The following FHIT variants were observed in gnomAD, a reference collection of about 807,000 sequenced individuals.
The protein encoded by FHIT is bis(5'-adenosyl)-triphosphatase.
In FHIT, 19 loss-of-function variants were observed where a neutral mutation model predicts 17.9. The ratio of observed to expected loss-of-function variants is 1.06; its 90% CI spans 0.74 to 1.56. The LOEUF is 1.56. Among genes scored for constraint, FHIT ranks in the 40% most tolerant of loss-of-function variants. FHIT has a pLI of 0.00. For missense variants in FHIT, 248 were observed against 189.2 expected (o/e 1.31, Z -1.82); for synonymous variants, 81 against 69.7 (o/e 1.16, Z -0.81).
intron 6 of FHIT, among the ~76,000 whole-genome samples, chr3:60,013,403 G>A (rs1049501899): frequency 6.6e-5 from 10 of 152,104 alleles, no homozygotes; most frequent in Non-Finnish European, 1.0e-4. Flanking sequence ...ATGTTACTAC[G>A]GATTTACTCA....
intron 5 of FHIT, among the ~76,000 whole-genome samples, chr3:60,247,418 A>T: frequency 6.8e-6 from 1 of 147,948 alleles, no homozygotes; most frequent in Non-Finnish European, 1.5e-5. Flanking sequence ...AGAAGAAGGA[A>T]GAAGATGATG....
chr3:59,968,185 T>C (rs1708016251), intron 7 of FHIT, among the ~76,000 whole-genome samples: 1 of 152,128 alleles, frequency 6.6e-6, no homozygotes, highest in African/African-American at 2.4e-5. Flanking sequence ...AAACTTTCTT[T>C]AGGCTGTACC....
chr3:61,188,884 C>A (rs369306139), intron 2 of FHIT, among the ~76,000 whole-genome samples: 3 of 152,016 alleles, frequency 2.0e-5, no homozygotes, highest in Non-Finnish European at 4.4e-5. Flanking sequence ...ATTCAACAAC[C>A]CTTCATGCTA....
At chr3:61,139,973 A>T (rs2037029584) in intron 2 of FHIT, among the ~76,000 whole-genome samples, 1 of 151,658 alleles carries the variant, frequency 6.6e-6, no homozygotes, top group Non-Finnish European at 1.5e-5. Flanking sequence ...TTAACTCATC[A>T]TCATCTATGA....
chr3:61,190,631 C>T (rs183962543), intron 2 of FHIT, among the ~76,000 whole-genome samples: 238 of 152,172 alleles, frequency 1.6e-3, no homozygotes, highest in African/African-American at 5.3e-3. Flanking sequence ...CACATGCATA[C>T]GTATGTTTAT....
chr3:60,290,564 A>G (rs1302496497), intron 5 of FHIT, among the ~76,000 whole-genome samples: 1 of 152,088 alleles, frequency 6.6e-6, no homozygotes, highest in Non-Finnish European at 1.5e-5. Context: ...TAATCCTGAC[A>G]ATAAGATATT....
intron 8 of FHIT, among the ~76,000 whole-genome samples, chr3:59,867,641 G>C (rs688567): frequency 0.056 from 8,489 of 151,884 alleles, 317 homozygotes; most frequent in Non-Finnish European, 0.086. Flanking sequence ...CTAGAACCAG[G>C]GGGAGTTCCA....
In FHIT at chr3:60,214,872, T is replaced by G. The variant is rs192333454; in HGVS notation, c.104-200720A>C. On this transcript the variant is annotated intron_variant, in intron 5 of 9. Coordinates refer to ENST00000492590, the MANE Select transcript of FHIT (RefSeq NM_002012.4). ...TGAAATTATGTCCTTTGCAGCAACG[T>G]GGATGCAGCTGGAGGCCATTATCCT... 3.9e-4 allele frequency among the ~76,000 whole-genome samples: 59 copies of G among 152,236 alleles called. No individual in the cohort carries two copies. The East Asian group carries it at 0.011, about 28-fold the overall frequency.
At chr3:61,062,933 G>T (rs1352618526) in intron 2 of FHIT, among the ~76,000 whole-genome samples, 1 of 152,112 alleles carries the variant, frequency 6.6e-6, no homozygotes, top group Non-Finnish European at 1.5e-5. Context: ...CGCCTTGGAG[G>T]ACTAACTGAT....
chr3:60,093,887 C>T (rs573919824), intron 5 of FHIT, among the ~76,000 whole-genome samples: 1 of 152,240 alleles, frequency 6.6e-6, no homozygotes, highest in South Asian at 2.1e-4. Flanking sequence ...TTCTATATTG[C>T]CTACTACAGG....
intron 1 of FHIT, among the ~76,000 whole-genome samples, chr3:61,213,751 T>G (rs1022743696): frequency 1.2e-4 from 19 of 152,168 alleles, no homozygotes; most frequent in African/African-American, 4.3e-4. Context: ...ACCACATAGT[T>G]GGAAGTAAAG....
intron 5 of FHIT, among the ~76,000 whole-genome samples, chr3:60,206,159 A>T (rs778110329): frequency 1.4e-4 from 20 of 138,462 alleles, no homozygotes; most frequent in African/African-American, 4.8e-4. Flanking sequence ...AAATAATAAT[A>T]ATAATAATAA....
At chr3:60,226,120 T>C (rs972642888) in intron 5 of FHIT, among the ~76,000 whole-genome samples, 16 of 151,966 alleles carry the variant, frequency 1.1e-4, no homozygotes, top group Non-Finnish European at 2.1e-4. Flanking sequence ...GGGAAGAAGG[T>C]CCCAGTGGTG....
chr3:60,009,182 T>C (rs1401092813), intron 7 of FHIT, among the ~76,000 whole-genome samples: 1 of 113,634 alleles, frequency 8.8e-6, no homozygotes, highest in African/African-American at 3.8e-5. Flanking sequence ...TGTGTGTGTG[T>C]GTGTGTGTGT....
chr3:60,226,654 CAGTT>C (rs1348799516), intron 5 of FHIT, among the ~76,000 whole-genome samples: 1 of 151,928 alleles, frequency 6.6e-6, no homozygotes, highest in Non-Finnish European at 1.5e-5. Flanking sequence ...GGGAAAACAA[CAGTT>C]GGTTGTCTCT....
chr3:60,457,105 C>A (rs897372019), intron 5 of FHIT, among the ~76,000 whole-genome samples: 6 of 152,050 alleles, frequency 3.9e-5, no homozygotes, highest in South Asian at 2.1e-4. Context: ...GGAACCAAAA[C>A]AGAGCCCGTA....
intron 1 of FHIT, among the ~76,000 whole-genome samples, chr3:61,210,189 G>A (rs767747058): frequency 2.0e-5 from 3 of 152,174 alleles, no homozygotes; most frequent in African/African-American, 4.8e-5. Context: ...AGGAGTACCC[G>A]GCCGTGTGAG....
chr3:61,081,027 G>A (rs1440616380), intron 2 of FHIT, among the ~76,000 whole-genome samples: 1 of 152,132 alleles, frequency 6.6e-6, no homozygotes, highest in Non-Finnish European at 1.5e-5. Flanking sequence ...GGCCTGGAGA[G>A]AAGCATCTGA....
chr3:59,790,071 G>A (rs917856174), intron 8 of FHIT, among the ~76,000 whole-genome samples: 5 of 152,122 alleles, frequency 3.3e-5, no homozygotes, highest in Admixed American at 2.0e-4. Flanking sequence ...AATGAGCAGC[G>A]AAATTCCTCT....
Sources: gnomAD v4.1 joint callset for allele counts (sites outside exome capture counted in the v4.1 genomes callset) on GRCh38, gnomAD v4.1.1 for gene constraint, MANE v1.5 for transcripts, NCBI Gene and HGNC (gene_info 2026-07-23, HGNC 2026-07-21) for gene names.